The following RFX7 variants were observed in gnomAD, a reference collection of about 807,000 sequenced individuals.
The protein encoded by RFX7 is DNA-binding protein RFX7.
Under a neutral mutation model 111.8 loss-of-function variants are expected in RFX7, and 26 were observed. The observed-to-expected ratio is 0.23, with a 90% confidence interval of 0.17 to 0.32. The LOEUF is 0.32. Among genes scored for constraint, RFX7 ranks in the 10% least tolerant of loss-of-function variants. The pLI, the probability that RFX7 is intolerant of heterozygous loss-of-function variation, is 1.00. For missense variants in RFX7, 1,573 were observed against 1,772.9 expected, an observed-to-expected ratio of 0.89 and a Z score of 2.02; for synonymous variants, 624 against 624.4, an observed-to-expected ratio of 1.00 and a Z score of 0.01.
intron 2 of RFX7, among the ~76,000 whole-genome samples, chr15:56,191,570 T>C (rs1182151874): frequency 3.3e-5 from 5 of 152,186 alleles, no homozygotes; most frequent in African/African-American, 1.2e-4. Flanking sequence ...ATTTATTATT[T>C]TGGGGTTTCT....
rs1287521483 is a variant in RFX7 at position 56,243,854 on chromosome 15, C to T, written c.-412G>A. ...CGCGGCCGCCGCTGCCCTGCCAGCC[C>T]CGGAGGCAGCCCAGTGCGCGCAGCC... On this transcript the variant is annotated 5_prime_UTR_variant, in exon 1 of 10. Coordinates refer to ENST00000559447, the MANE Select transcript of RFX7 (RefSeq NM_022841.7). Among the ~76,000 whole-genome samples, 3 of 147,450 alleles carry T rather than the reference C, an allele frequency of 2.0e-5. No individual in the cohort carries two copies. Among genetic ancestry groups the T allele is most frequent in the Non-Finnish European group, 4.5e-5 (3 of 66,234 alleles).
chr15:56,150,387 G>A (rs1230786543), intron 3 of RFX7, among the ~76,000 whole-genome samples: 3 of 152,194 alleles, frequency 2.0e-5, no homozygotes, highest in Admixed American at 1.3e-4. Context: ...AGATGGGGCC[G>A]ACAGACACCT....
At chr15:56,173,869 G>T (rs1180964826) in intron 3 of RFX7, among the ~76,000 whole-genome samples, 1 of 152,056 alleles carries the variant, frequency 6.6e-6, no homozygotes, top group African/African-American at 2.4e-5. Flanking sequence ...ATTTAAGACA[G>T]AAACAAAATG....
At chr15:56,159,660 T>G (rs1350796041) in intron 3 of RFX7, among the ~76,000 whole-genome samples, 3 of 152,202 alleles carry the variant, frequency 2.0e-5, no homozygotes, top group African/African-American at 7.2e-5. Flanking sequence ...TTCATTTCTC[T>G]TCTGTCATAA....
At chr15:56,113,409 A>G (rs907483360) in intron 5 of RFX7, among the ~76,000 whole-genome samples, 10 of 152,222 alleles carry the variant, frequency 6.6e-5, no homozygotes, top group African/African-American at 2.4e-4. Context: ...ACAGAAAACC[A>G]AACACTGCAT....
intron 3 of RFX7, among the ~76,000 whole-genome samples, chr15:56,171,380 G>A (rs184626909): frequency 4.0e-4 from 61 of 152,228 alleles, no homozygotes; most frequent in East Asian, 2.3e-3. Flanking sequence ...GCTTCCCTGA[G>A]TAGGATCAAT....
intron 2 of RFX7, among the ~76,000 whole-genome samples, chr15:56,180,537 AATCTAC>A (rs1475727208): frequency 6.6e-6 from 1 of 152,126 alleles, no homozygotes; most frequent in African/African-American, 2.4e-5. Flanking sequence ...ATGTGAGAGT[AATCTAC>A]ATATTAAGAA....
intron 8 of RFX7, among the ~76,000 whole-genome samples, chr15:56,098,733 T>C (rs1278362481): frequency 3.9e-5 from 6 of 152,210 alleles, no homozygotes; most frequent in Non-Finnish European, 7.3e-5. Context: ...CAAAGGTCAG[T>C]AAATTTCCCT....
chr15:56,171,997 A>G (rs114578815), intron 3 of RFX7, among the ~76,000 whole-genome samples: 3,251 of 152,240 alleles, frequency 0.021, 115 homozygotes, highest in African/African-American at 0.074. Context: ...GGGTGTGAGA[A>G]GGAACGGCCT....
At chr15:56,130,203 A>G (rs971179154) in intron 5 of RFX7, among the ~76,000 whole-genome samples, 1 of 152,198 alleles carries the variant, frequency 6.6e-6, no homozygotes, top group Non-Finnish European at 1.5e-5. Flanking sequence ...AGAATTTGAA[A>G]AATATTAAAA....
intron 2 of RFX7, among the ~76,000 whole-genome samples, chr15:56,199,173 C>T (rs931756921): frequency 6.6e-6 from 1 of 152,118 alleles, no homozygotes; most frequent in Admixed American, 6.5e-5. Flanking sequence ...GGCTGTAAAT[C>T]AAAGATTCAA....
At chr15:56,133,395 A>AT (rs1369783401) in intron 5 of RFX7, among the ~76,000 whole-genome samples, 1 of 152,006 alleles carries the variant, frequency 6.6e-6, no homozygotes, top group Non-Finnish European at 1.5e-5. Context: ...TATTAAAGGG[A>AT]TTTTGACACA....
At chr15:56,214,899 C>T (rs2043348861) in intron 2 of RFX7, among the ~76,000 whole-genome samples, 1 of 151,252 alleles carries the variant, frequency 6.6e-6, no homozygotes, top group Non-Finnish European at 1.5e-5. Flanking sequence ...TCCATGTAGA[C>T]TAACGTATGG....
chr15:56,131,702 C>T (rs895897105), intron 5 of RFX7, among the ~76,000 whole-genome samples: 6 of 152,088 alleles, frequency 3.9e-5, no homozygotes, highest in Non-Finnish European at 5.9e-5. Context: ...TCTTGTTCAA[C>T]TATAAGTGAT....
rs187437543 is a variant in RFX7, at chr15:56,209,026, T to C, written c.162-29723A>G. On this transcript the variant is annotated intron_variant, in intron 2 of 9. Coordinates refer to ENST00000559447, the MANE Select transcript of RFX7 (RefSeq NM_022841.7). ...TGACAAAAGAATTTCCCCAAACTAA[T>C]GTCAGACACCAAACCACAGATCTAG... Among the ~76,000 whole-genome samples the C allele has an allele frequency of 1.4e-3, 216 of 152,112 alleles. 1 individual carries two copies. The highest frequency in any genetic ancestry group is 3.5e-4 in the Non-Finnish European group (24 of 67,992).
rs2041752952 is a variant in RFX7 at position 56,101,515 on chromosome 15, T to C, written c.655A>G (p.Ile219Val). 8.7e-6 allele frequency: 14 copies of C among 1,613,660 alleles called. No individual in the cohort carries two copies. Among genetic ancestry groups the C allele is most frequent in the Non-Finnish European group, 1.2e-5 (14 of 1,179,802 alleles). Residue 219 changes from isoleucine (I) to valine (V), a missense_variant, in exon 8 of 10, where the codon ATC (isoleucine) becomes GTC (valine). Physicochemically the swap from Ile to Val is conservative, Grantham distance 29 (BLOSUM62 3). This residue lies in a region of RFX7 where 288 missense variants were observed against 337.9 expected (regional missense o/e 0.85). Transcript: ENST00000559447. ...CACACAAGACGGCAAGCAGAAGAGA[T>C]AACTTCTTCATCAATATTTTGAAGC... ...GQLQNIDEEV[I>V]SSACRLVCEW...
Position 56,154,334 on chromosome 15 carries a change from G to A in RFX7, c.196-9851C>T, listed in dbSNP as rs555869791. On this transcript the variant is annotated intron_variant, in intron 3 of 9. Transcript: ENST00000559447. ...AGCCCGCATAGCCAAGACAATCCGG[G>A]GCAGGAAAAACAAAGCTGGAGGCAT... Among the ~76,000 whole-genome samples, 11 of 151,942 alleles carry A rather than the reference G, an allele frequency of 7.2e-5. No individual in the cohort carries two copies. In the South Asian group the frequency reaches 2.1e-3, roughly 29 times the overall value.
chr15:56,180,616 T>A (rs2042958934), intron 2 of RFX7, among the ~76,000 whole-genome samples: 1 of 151,908 alleles, frequency 6.6e-6, no homozygotes, highest in African/African-American at 2.4e-5. Flanking sequence ...GTCTAAACAG[T>A]CATTACTGGC....
chr15:56,108,135 G>A (rs2041856634), intron 5 of RFX7, among the ~76,000 whole-genome samples: 1 of 152,164 alleles, frequency 6.6e-6, no homozygotes, highest in Non-Finnish European at 1.5e-5. Flanking sequence ...GTACAAAGAG[G>A]AGCTGGTACC....
Sources: allele counts gnomAD v4.1 joint callset (sites outside exome capture counted in the v4.1 genomes callset), GRCh38; gene constraint gnomAD v4.1.1; regional missense constraint gnomAD v4.1.1; transcripts MANE v1.5; gene names NCBI Gene and HGNC (gene_info 2026-07-23, HGNC 2026-07-21).